GALNTL6: variants seen among roughly 807,000 people sequenced by gnomAD.
GALNTL6 encodes polypeptide N-acetylgalactosaminyltransferase like 6, also known as polypeptide N-acetylgalactosaminyltransferase-like 6.
In GALNTL6, 46 loss-of-function variants were observed where a neutral mutation model predicts 73.7. The ratio of observed to expected loss-of-function variants is 0.62; its 90% CI spans 0.49 to 0.80. GALNTL6 has a LOEUF of 0.80. Ranked by LOEUF, GALNTL6 falls within the 30% of genes least tolerant of loss-of-function variation. The probability of loss-of-function intolerance (pLI) is 0.00; values close to 1 mark genes in which losing one functional copy is unlikely to be tolerated. For missense variants in GALNTL6, 604 were observed against 755.0 expected (o/e 0.80, Z 2.34); for synonymous variants, 259 against 263.7 (o/e 0.98, Z 0.17).
intron 10 of GALNTL6, among the ~76,000 whole-genome samples, chr4:173,007,759 T>C (rs138786042): frequency 2.9e-4 from 44 of 152,172 alleles, no homozygotes; most frequent in African/African-American, 1.0e-3. Context: ...TGAGCCGAGA[T>C]TGCGCCACTG....
intron 2 of GALNTL6, among the ~76,000 whole-genome samples, chr4:172,181,343 C>T (rs1411022763): frequency 6.6e-6 from 1 of 152,170 alleles, no homozygotes; most frequent in Non-Finnish European, 1.5e-5. Flanking sequence ...TAATCCATCA[C>T]ATAAACAGAA....
intron 8 of GALNTL6, among the ~76,000 whole-genome samples, chr4:172,926,995 T>C (rs1163562388): frequency 6.6e-6 from 1 of 152,252 alleles, no homozygotes; most frequent in Non-Finnish European, 1.5e-5. Flanking sequence ...AAGAATTTTC[T>C]ATTGCTTGTC....
chr4:171,845,935 A>G (rs1327474333), intron 2 of GALNTL6, among the ~76,000 whole-genome samples: 1 of 152,120 alleles, frequency 6.6e-6, no homozygotes, highest in Non-Finnish European at 1.5e-5. Context: ...TGGTAGATAA[A>G]ATTTTCTTAT....
intron 5 of GALNTL6, among the ~76,000 whole-genome samples, chr4:172,426,917 T>C (rs1475496760): frequency 2.5e-3 from 5 of 2,028 alleles, no homozygotes; most frequent in Admixed American, 5.0e-3. Context: ...TAAGGACTCT[T>C]ATATATATAT....
At chr4:171,996,151 T>C (rs1179758915) in intron 2 of GALNTL6, among the ~76,000 whole-genome samples, 1 of 152,086 alleles carries the variant, frequency 6.6e-6, no homozygotes, top group East Asian at 1.9e-4. Context: ...TTCTCTGAAA[T>C]AGTGATACAC....
chr4:172,190,365 GC>G (rs1735538144), intron 2 of GALNTL6, among the ~76,000 whole-genome samples: 2 of 152,116 alleles, frequency 1.3e-5, no homozygotes, highest in Non-Finnish European at 2.9e-5. Context: ...TGTACTTGTT[GC>G]CATGAAACTC....
chr4:172,827,338 C>T (rs1014633527), intron 7 of GALNTL6, among the ~76,000 whole-genome samples: 1 of 152,150 alleles, frequency 6.6e-6, no homozygotes, highest in Non-Finnish European at 1.5e-5. Context: ...AAGAATTCCA[C>T]CCTTTGCGGG....
At chr4:172,289,689 A>G (rs549878187) in intron 3 of GALNTL6, among the ~76,000 whole-genome samples, 2 of 152,318 alleles carry the variant, frequency 1.3e-5, no homozygotes, top group South Asian at 4.1e-4. Flanking sequence ...ATCCACTGCA[A>G]CAAAGCCCAT....
chr4:171,969,021 G>C (rs989992048), intron 2 of GALNTL6, among the ~76,000 whole-genome samples: 5 of 152,174 alleles, frequency 3.3e-5, no homozygotes, highest in African/African-American at 1.2e-4. Context: ...ATTTTTAGTA[G>C]TGGTGGGGTT....
At chr4:172,667,269 C>G (rs1450029310) in intron 5 of GALNTL6, 1 of 152,220 alleles carries the variant, frequency 6.6e-6, no homozygotes, top group Admixed American at 6.5e-5. Context: ...GTGTTAGGAG[C>G]TCCCTGTACC....
intron 5 of GALNTL6, among the ~76,000 whole-genome samples, chr4:172,479,271 C>T (rs1733352415): frequency 6.6e-6 from 1 of 151,912 alleles, no homozygotes; most frequent in Non-Finnish European, 1.5e-5. Flanking sequence ...AACCTAAGTG[C>T]CCATCAACAG....
intron 2 of GALNTL6, among the ~76,000 whole-genome samples, chr4:172,014,860 G>A (rs527384651): frequency 3.9e-5 from 6 of 152,118 alleles, no homozygotes; most frequent in South Asian, 4.2e-4. Flanking sequence ...GTATAGTTTC[G>A]AAGGTTCCAT....
Position 172,630,858 on chromosome 4 carries a change from C to CAT in GALNTL6, c.554-178493_554-178492dup, listed in dbSNP as rs1274988567. ...TGTGGAAAAGCATATATGTTATATACATATATATATACTGCATAGAAAATA... is the reference window on the plus strand; with the variant it reads ...TGTGGAAAAGCATATATGTTATATACATATATATATATACTGCATAGAAAATA... On this transcript the variant is annotated intron_variant, in intron 5 of 12. Coordinates refer to ENST00000506823, the MANE Select transcript of GALNTL6 (RefSeq NM_001034845.3). 8.7e-5 allele frequency among the ~76,000 whole-genome samples: 13 copies of CAT among 149,370 alleles called. No homozygotes were observed. The East Asian group carries it at 2.2e-3, about 25-fold the overall frequency.
chr4:172,313,230 A>T (rs2111148581), intron 4 of GALNTL6, among the ~76,000 whole-genome samples: 1 of 145,406 alleles, frequency 6.9e-6, no homozygotes, highest in South Asian at 2.2e-4. Flanking sequence ...GGTTCACGCC[A>T]TTCTCCTGCC....
chr4:172,077,523 T>C (rs1459382397), intron 2 of GALNTL6, among the ~76,000 whole-genome samples: 1 of 152,068 alleles, frequency 6.6e-6, no homozygotes, highest in Non-Finnish European at 1.5e-5. Context: ...AGAGAGATGA[T>C]TTAGGGTATT....
At chr4:172,710,829 G>A (rs1035507580) in intron 5 of GALNTL6, among the ~76,000 whole-genome samples, 3 of 151,990 alleles carry the variant, frequency 2.0e-5, no homozygotes, top group Admixed American at 1.3e-4. Context: ...AGTGCTAGAA[G>A]AAAAAACAAG....
At chr4:172,552,837 TAAAAA>T (rs397933315) in intron 5 of GALNTL6, among the ~76,000 whole-genome samples, 4 of 80,408 alleles carry the variant, frequency 5.0e-5, no homozygotes, top group South Asian at 6.0e-4. Flanking sequence ...GTAATTGCAG[TAAAAA>T]AAAAAAAAAA....
At chr4:172,061,456 G>A (rs1283593954) in intron 2 of GALNTL6, among the ~76,000 whole-genome samples, 3 of 152,052 alleles carry the variant, frequency 2.0e-5, no homozygotes, top group African/African-American at 7.2e-5. Flanking sequence ...ATCCCCTCAA[G>A]CTCCTTTATT....
At position 172,900,651 on chromosome 4, in the gene GALNTL6, GA is replaced by G. The variant is rs372409602; in HGVS notation, c.1041+17752del. Among the ~76,000 whole-genome samples the G allele has an allele frequency of 4.4e-3, 667 of 152,012 alleles. 7 individuals carry two copies. Among genetic ancestry groups the G allele is most frequent in the African/African-American group, 0.015 (614 of 41,520 alleles). Reference sequence around the variant, plus strand: ...AAAAGAAAAGCATTAAAGCATTAAAGAAAAAAAATGGCATTGCTGTATTTGC... The same window carrying G: ...AAAAGAAAAGCATTAAAGCATTAAAGAAAAAAATGGCATTGCTGTATTTGC... On this transcript the variant is annotated intron_variant, in intron 8 of 12. Coordinates refer to ENST00000506823, the MANE Select transcript of GALNTL6 (RefSeq NM_001034845.3).
Sources: gnomAD v4.1 joint callset for allele counts (sites outside exome capture counted in the v4.1 genomes callset) on GRCh38, gnomAD v4.1.1 for gene constraint, MANE v1.5 for transcripts, NCBI Gene and HGNC (gene_info 2026-07-23, HGNC 2026-07-21) for gene names.